The following MRPS5 variants were observed in gnomAD, a reference collection of about 807,000 sequenced individuals.
MRPS5 encodes small ribosomal subunit protein uS5m.
Under a neutral mutation model 51.9 loss-of-function variants are expected in MRPS5, and 27 were observed. The ratio of observed to expected loss-of-function variants is 0.52; its 90% CI spans 0.38 to 0.72. The LOEUF (loss-of-function observed/expected upper bound fraction) is 0.72. Among genes scored for constraint, MRPS5 ranks in the 30% least tolerant of loss-of-function variants. The pLI, the probability that MRPS5 is intolerant of heterozygous loss-of-function variation, is 0.00. For missense variants in MRPS5, 570 were observed against 545.7 expected, an observed-to-expected ratio of 1.04 and a Z score of -0.44; for synonymous variants, 196 against 193.2, an observed-to-expected ratio of 1.01 and a Z score of -0.12.
intron 10 of MRPS5, among the ~76,000 whole-genome samples, chr2:95,097,211 C>T (rs1223822873): frequency 6.6e-6 from 1 of 152,198 alleles, no homozygotes; most frequent in Non-Finnish European, 1.5e-5. Context: ...AATGGAAGAA[C>T]ATTCCATGCT....
intron 2 of MRPS5, among the ~76,000 whole-genome samples, chr2:95,116,453 G>T (rs1676287536): frequency 6.6e-6 from 1 of 152,086 alleles, no homozygotes; most frequent in Non-Finnish European, 1.5e-5. Context: ...ACTGTCAAAA[G>T]CAGAAAGAAA....
At chr2:95,109,120 AC>A (rs1216787349) in intron 4 of MRPS5, among the ~76,000 whole-genome samples, 6 of 152,062 alleles carry the variant, frequency 3.9e-5, no homozygotes. Context: ...ATCCAGGGGG[AC>A]TTCAAGTTTC....
intron 10 of MRPS5, among the ~76,000 whole-genome samples, chr2:95,095,200 A>G (rs1383871191): frequency 6.6e-6 from 1 of 152,244 alleles, no homozygotes; most frequent in Admixed American, 6.5e-5. Flanking sequence ...TATGCATCCA[A>G]TACAGGAGCA....
At chr2:95,110,399 AC>A (rs1219242916) in intron 3 of MRPS5, among the ~76,000 whole-genome samples, 1 of 152,212 alleles carries the variant, frequency 6.6e-6, no homozygotes, top group Non-Finnish European at 1.5e-5. Context: ...CTCCATTATA[AC>A]CACTAAGATA....
Position 95,085,752 on chromosome 2 carries a change from TGA to T in MRPS5, c.*1603_*1604del, listed in dbSNP as rs998345080. Among the ~76,000 whole-genome samples, 2 of 152,166 alleles carry T rather than the reference TGA, an allele frequency of 1.3e-5. No individual in the cohort carries two copies. The highest frequency in any genetic ancestry group is 6.5e-5 in the Admixed American group (1 of 15,278). On this transcript the variant is annotated 3_prime_UTR_variant, in exon 12 of 12. Coordinates refer to ENST00000272418, the MANE Select transcript of MRPS5 (RefSeq NM_031902.5). ...ACCAGCACCGTCAGAGGAAGCATGC[TGA>T]GAGATTTAAATAACTCCCAGAGCTT...
intron 4 of MRPS5, among the ~76,000 whole-genome samples, chr2:95,109,184 T>C (rs1481533641): frequency 6.6e-6 from 1 of 151,872 alleles, no homozygotes; most frequent in Non-Finnish European, 1.5e-5. Context: ...TTCTTATAAT[T>C]TAAAAAAAAA....
intron 2 of MRPS5, among the ~76,000 whole-genome samples, chr2:95,116,907 G>A (rs1024622600): frequency 2.6e-5 from 4 of 151,974 alleles, no homozygotes; most frequent in African/African-American, 7.3e-5. Context: ...TTGGGAGGCC[G>A]ATGAGGGCGG....
chr2:95,095,994 C>T (rs926162486), intron 10 of MRPS5, among the ~76,000 whole-genome samples: 1 of 151,250 alleles, frequency 6.6e-6, no homozygotes, highest in African/African-American at 2.4e-5. Flanking sequence ...CAAACAGATG[C>T]AATAAAAAAT....
At chr2:95,105,979 G>A (rs1675937146) in intron 6 of MRPS5, among the ~76,000 whole-genome samples, 1 of 152,144 alleles carries the variant, frequency 6.6e-6, no homozygotes, top group Non-Finnish European at 1.5e-5. Context: ...TCAAGGGCCT[G>A]TGAGCAACCC....
Position 95,100,038 on chromosome 2 carries a change from C to T in MRPS5, c.931+436G>A, listed in dbSNP as rs10186583. Reference sequence around the variant, plus strand: ...CTGCTTGTCCACAAAACAGGAAAGACCATCTCTGCATCATCCCTAGTGCTT... The same window carrying T: ...CTGCTTGTCCACAAAACAGGAAAGATCATCTCTGCATCATCCCTAGTGCTT... On this transcript the variant is annotated intron_variant, in intron 10 of 11. Coordinates refer to ENST00000272418, the MANE Select transcript of MRPS5 (RefSeq NM_031902.5). 4.6e-3 allele frequency among the ~76,000 whole-genome samples: 695 copies of T among 152,260 alleles called. 8 individuals carry two copies. Among genetic ancestry groups the T allele is most frequent in the African/African-American group, 0.016 (664 of 41,548 alleles).
In MRPS5 at chr2:95,109,985, T is replaced by C; in HGVS notation, c.334A>G (p.Lys112Glu). The change falls in exon 4 of 12, where the codon AAA becomes GAA. Residue 112 changes from lysine to glutamate, a missense_variant. Lys to Glu is a moderately conservative substitution (Grantham distance 56). Coordinates refer to ENST00000272418, the MANE Select transcript of MRPS5 (RefSeq NM_031902.5). ...ALAETGAGAK[K>E]GRGKRTKKKK... ...TTTTTAGTTCTTTTGCCTCTTCCTTTTTTTGCTCCAGCACCAGTCTCTGCT... is the reference window on the plus strand; with the variant it reads ...TTTTTAGTTCTTTTGCCTCTTCCTTCTTTTGCTCCAGCACCAGTCTCTGCT... 1.2e-6 allele frequency: 2 copies of C among 1,614,178 alleles called. No individual in the cohort carries two copies. Among genetic ancestry groups the C allele is most frequent in the Non-Finnish European group, 1.7e-6 (2 of 1,180,012 alleles).
chr2:95,114,672 C>T (rs956926463), intron 3 of MRPS5, among the ~76,000 whole-genome samples: 10 of 152,192 alleles, frequency 6.6e-5, no homozygotes, highest in African/African-American at 1.2e-4. Flanking sequence ...CTTTTAAATG[C>T]TATCACAAAT....
At position 95,087,287 on chromosome 2, in the gene MRPS5, A is replaced by C; in HGVS notation, c.*70T>G. The C allele has an allele frequency of 8.1e-7, 1 of 1,227,272 alleles. No individual in the cohort carries two copies. The highest frequency in any genetic ancestry group is 1.2e-6 in the Non-Finnish European group (1 of 853,912). 76.0% of individuals were successfully genotyped at this position (1,227,272 alleles called of 1,614,324 possible). On this transcript the variant is annotated 3_prime_UTR_variant, in exon 12 of 12. Coordinates refer to ENST00000272418, the MANE Select transcript of MRPS5 (RefSeq NM_031902.5). Reference sequence around the variant, plus strand: ...CAAACAAAAGGCAAGGTAACATCCCAAGCTGTGAGGGGCTGAGTCTCTCCT... The same window carrying C: ...CAAACAAAAGGCAAGGTAACATCCCCAGCTGTGAGGGGCTGAGTCTCTCCT...
Position 95,108,344 on chromosome 2 carries a change from G to A in MRPS5, c.468C>T (p.Thr156=), listed in dbSNP as rs894387969. ...VPLMKNGAVQ[T]IAQRSKEEQE... Reference sequence around the variant, plus strand: ...GCTCTTCCTTGCTTCTTTGGGCAATGGTCTGCACTGCTCCATTTTTCATAA... The same window carrying A: ...GCTCTTCCTTGCTTCTTTGGGCAATAGTCTGCACTGCTCCATTTTTCATAA... Residue 156 remains threonine, a synonymous_variant, in exon 5 of 12, where the codon ACC becomes ACT. Coordinates refer to ENST00000272418, the MANE Select transcript of MRPS5 (RefSeq NM_031902.5). The A allele has an allele frequency of 4.3e-6, 7 of 1,614,006 alleles. No homozygotes were observed. Among genetic ancestry groups the A allele is most frequent in the Non-Finnish European group, 5.9e-6 (7 of 1,180,038 alleles).
Position 95,108,280 on chromosome 2 carries a change from CTT to C in MRPS5, c.530_531del (p.Glu177GlyfsTer11). On this transcript the variant is annotated frameshift_variant, in exon 5 of 12. Transcript: ENST00000272418. LOFTEE classifies it high-confidence loss of function. The stretch of plus-strand genomic sequence containing the variant: ...TTCATCTTCTTCTTTCGGTCCCACT[CTT>C]CTCTCTGCTGGATCATGTCTGCCTC... ...KVEADMIQQR[E>X]EWDRKKKMKV... The C allele has an allele frequency of 1.2e-6, 2 of 1,614,192 alleles. No individual in the cohort carries two copies. Among genetic ancestry groups the C allele is most frequent in the Non-Finnish European group, 1.7e-6 (2 of 1,180,038 alleles).
rs1327648867 is a variant in MRPS5 at position 95,113,129 on chromosome 2, G to A, written c.277+1937C>T. 2.0e-5 allele frequency among the ~76,000 whole-genome samples: 3 copies of A among 152,096 alleles called. No individual in the cohort carries two copies. The East Asian group carries it at 5.8e-4, about 29-fold the overall frequency. The stretch of plus-strand genomic sequence containing the variant: ...ACCATGAAGGATGAGGTCTTGGAGA[G>A]TAAGGCCACCTCTAGAACAAGGCTT... On this transcript the variant is annotated intron_variant, in intron 3 of 11. Transcript: ENST00000272418.
chr2:95,098,509 C>T (rs1675694099), intron 10 of MRPS5, among the ~76,000 whole-genome samples: 1 of 152,056 alleles, frequency 6.6e-6, no homozygotes, highest in Admixed American at 6.5e-5. Context: ...ACTATGCAGC[C>T]ATAAAAAAGG....
chr2:95,121,813 C>T (rs1300077163), upstream of MRPS5: 1 of 1,529,236 alleles, frequency 6.5e-7, no homozygotes, highest in Admixed American at 2.0e-5. Flanking sequence ...AGCCGCGCCT[C>T]GGCCTCCGCC....
chr2:95,104,516 TA>T (rs1485243518), intron 7 of MRPS5, 123 bp downstream of exon 7: 2 of 978,374 alleles, frequency 2.0e-6, no homozygotes, highest in South Asian at 1.3e-5. Flanking sequence ...CCCAAACCAC[TA>T]AAAGGTTTAA....
Sources: gnomAD v4.1 joint callset for allele counts (sites outside exome capture counted in the v4.1 genomes callset) on GRCh38, gnomAD v4.1.1 for gene constraint, MANE v1.5 for transcripts, NCBI Gene and HGNC (gene_info 2026-07-23, HGNC 2026-07-21) for gene names.